Variants in MDM1 observed in about 807,000 individuals in gnomAD.
MDM1 encodes the protein Mdm1 nuclear protein.
MDM1 carries 61 observed loss-of-function variants against 89.1 expected under a neutral mutation model. The observed-to-expected ratio is 0.68, with a 90% CI of 0.56 to 0.85. The LOEUF is 0.85. Among genes scored for constraint, MDM1 ranks in the 40% least tolerant of loss-of-function variants. MDM1 has a pLI of 0.00. For missense variants in MDM1, 820 were observed against 846.5 expected (o/e 0.97, Z 0.39); for synonymous variants, 290 against 294.1 (o/e 0.99, Z 0.14).
At chr12:68,309,820 C>T (rs1457900178) in intron 12 of MDM1, among the ~76,000 whole-genome samples, 1 of 152,208 alleles carries the variant, frequency 6.6e-6, no homozygotes, top group East Asian at 1.9e-4. Flanking sequence ...AGTGACTCCT[C>T]TGCCTACCAG....
intron 12 of MDM1, among the ~76,000 whole-genome samples, chr12:68,305,094 G>A (rs1051985595): frequency 2.6e-5 from 4 of 152,142 alleles, no homozygotes; most frequent in African/African-American, 9.7e-5. Context: ...CGTAGAATGT[G>A]TTAAGGAGAA....
At chr12:68,299,544 G>A (rs1871869508) in intron 13 of MDM1, among the ~76,000 whole-genome samples, 1 of 152,072 alleles carries the variant, frequency 6.6e-6, no homozygotes, top group African/African-American at 2.4e-5. Context: ...GAAGATAGCT[G>A]CATGCCAGGT....
intron 4 of MDM1, among the ~76,000 whole-genome samples, chr12:68,323,903 T>C (rs1273270269): frequency 1.3e-5 from 2 of 152,162 alleles, no homozygotes; most frequent in South Asian, 2.1e-4. Context: ...TAGTACAGTA[T>C]AACCTCAAGG....
chr12:68,330,917 TAGTCC>T, intron 2 of MDM1, 185 bp downstream of exon 2: 2 of 547,772 alleles, frequency 3.7e-6, no homozygotes, highest in Non-Finnish European at 6.5e-6. Context: ...CTGCTGGGAA[TAGTCC>T]TGGCTCATAG....
chr12:68,326,457 C>T (rs1875991555), intron 3 of MDM1, 200 bp downstream of exon 3: 9 of 1,475,208 alleles, frequency 6.1e-6, no homozygotes, highest in African/African-American at 1.4e-5. Flanking sequence ...AGTACAACTA[C>T]TACAAAATAG....
At chr12:68,301,602 T>C (rs914835986) in intron 13 of MDM1, among the ~76,000 whole-genome samples, 7 of 152,024 alleles carry the variant, frequency 4.6e-5, no homozygotes, top group African/African-American at 1.4e-4. Flanking sequence ...GAAATAAAAA[T>C]TTTAAAAAAC....
At chr12:68,309,205 C>T (rs751172491) in intron 12 of MDM1, among the ~76,000 whole-genome samples, 8 of 152,242 alleles carry the variant, frequency 5.3e-5, no homozygotes, top group Non-Finnish European at 8.8e-5. Context: ...CTGCCACACA[C>T]TGTATTGGTC....
Position 68,321,562 on chromosome 12 carries a change from T to G in MDM1, c.868A>C (p.Lys290Gln). ...EMELKDLHQP[K>Q]RKLTPWKHQR... ...TGTTTCCAAGGAGTAAGCTTCCTTT[T>G]AGGCTGGTGTAAGTCTTTTAATTCC... Residue 290 changes from lysine (K) to glutamine (Q), a missense_variant, in exon 6 of 15, where the codon AAA becomes CAA. Transcript: ENST00000682720. 6.2e-7 allele frequency: 1 copy of G among 1,613,468 alleles called. No individual in the cohort carries two copies. Among genetic ancestry groups the G allele is most frequent in the Non-Finnish European group, 8.5e-7 (1 of 1,179,820 alleles).
At chr12:68,302,511 A>C in intron 13 of MDM1, 109 bp downstream of exon 13, 1 of 1,062,086 alleles carries the variant, frequency 9.4e-7, no homozygotes, top group African/African-American at 1.6e-5. Context: ...TACATTAACC[A>C]AAAATACTAA....
In MDM1 at chr12:68,323,216, C is replaced by G; in HGVS notation, c.658G>C (p.Val220Leu). 6.3e-7 allele frequency: 1 copy of G among 1,583,998 alleles called. No homozygotes were observed. The highest frequency in any genetic ancestry group is 8.5e-7 in the Non-Finnish European group (1 of 1,170,768). The part of the protein sequence containing the change: ...NQVFHNKSQF[V>L]PPFKGNSVIH... ...ACTGAGTTACCTTTGAATGGTGGAA[C>G]AAACTGGCTTTTATTGTGGAAAACC... is the stretch of plus-strand genomic sequence containing the variant. The change falls in exon 5 of 15, where the codon GTT becomes CTT. Residue 220 changes from valine to leucine, a missense_variant. Transcript: ENST00000682720.
chr12:68,308,571 G>A (rs1281011686), intron 12 of MDM1, among the ~76,000 whole-genome samples: 1 of 152,132 alleles, frequency 6.6e-6, no homozygotes, highest in Non-Finnish European at 1.5e-5. Context: ...CCATCCCTTA[G>A]AGACCTGTAG....
At chr12:68,324,994 C>T (rs186610559) in intron 4 of MDM1, 7 of 977,692 alleles carry the variant, frequency 7.2e-6, no homozygotes, top group Middle Eastern at 1.0e-3. Context: ...GACAAAATTA[C>T]GTATCTTGTG....
chr12:68,297,995 G>A (rs1029954178), intron 13 of MDM1, among the ~76,000 whole-genome samples: 9 of 152,106 alleles, frequency 5.9e-5, no homozygotes, highest in Admixed American at 1.3e-4. Flanking sequence ...TAAACTTTTG[G>A]GAGTTTTATA....
chr12:68,296,794 G>T, intron 14 of MDM1, 129 bp downstream of exon 14: 1 of 550,416 alleles, frequency 1.8e-6, no homozygotes. Flanking sequence ...CCCCCTCACA[G>T]GGTTTCAAGG....
intron 12 of MDM1, among the ~76,000 whole-genome samples, chr12:68,312,534 G>A (rs528309951): frequency 6.6e-6 from 1 of 152,254 alleles, no homozygotes; most frequent in South Asian, 2.1e-4. Flanking sequence ...CCTGGATAGA[G>A]TAAGTGACTC....
chr12:68,307,109 G>T (rs1003869816), intron 12 of MDM1, among the ~76,000 whole-genome samples: 1 of 152,142 alleles, frequency 6.6e-6, no homozygotes, highest in African/African-American at 2.4e-5. Flanking sequence ...GTCAAATACT[G>T]CATATTCTCA....
At chr12:68,295,645 C>T (rs1473871165) in intron 14 of MDM1, among the ~76,000 whole-genome samples, 12 of 152,120 alleles carry the variant, frequency 7.9e-5, no homozygotes, top group African/African-American at 2.9e-4. Flanking sequence ...ACAGAGCACA[C>T]GGCCTATGAT....
chr12:68,309,423 C>T (rs1873381090), intron 12 of MDM1, among the ~76,000 whole-genome samples: 1 of 152,152 alleles, frequency 6.6e-6, no homozygotes, highest in South Asian at 2.1e-4. Context: ...GTGCTAAGTA[C>T]TTTTATTTTG....
At chr12:68,319,258 C>G (rs1331403221) in intron 7 of MDM1, among the ~76,000 whole-genome samples, 2 of 152,100 alleles carry the variant, frequency 1.3e-5, no homozygotes, top group Admixed American at 1.3e-4. Flanking sequence ...AACCACTGGG[C>G]AAATAAAACC....
Sources: allele counts gnomAD v4.1 joint callset (sites outside exome capture counted in the v4.1 genomes callset), GRCh38; gene constraint gnomAD v4.1.1; transcripts MANE v1.5; gene names NCBI Gene and HGNC (gene_info 2026-07-23, HGNC 2026-07-21).